Variants in SCD5 observed in about 807,000 individuals in gnomAD.
SCD5 encodes the protein acyl-CoA-desaturase 4.
In SCD5, 20 loss-of-function variants were observed where a neutral mutation model predicts 30.4. That is an observed-to-expected ratio of 0.66 (90% CI 0.46 to 0.96). The LOEUF (loss-of-function observed/expected upper bound fraction) is 0.96, where lower values mean the gene tolerates loss of function less well. SCD5 is among the 40% of genes least tolerant of loss of function. The pLI, the probability that SCD5 is intolerant of heterozygous loss-of-function variation, is 0.00. For synonymous variants in SCD5, 173 were observed against 176.4 expected (o/e 0.98, Z 0.16); for missense variants, 381 against 443.3 (o/e 0.86, Z 1.26).
At chr4:82,631,558 C>A (rs1221537590) in intron 4 of SCD5, 41 bp from the exon 5 acceptor site, 4 of 1,592,486 alleles carry the variant, frequency 2.5e-6, no homozygotes, top group Non-Finnish European at 3.4e-6. Flanking sequence ...CAATCACCAC[C>A]TCTCTGCATA....
At chr4:82,785,066 C>T (rs902415220) in intron 1 of SCD5, among the ~76,000 whole-genome samples, 2 of 152,178 alleles carry the variant, frequency 1.3e-5, no homozygotes, top group Non-Finnish European at 2.9e-5. Context: ...GGGAGCTCTG[C>T]CAAGTAAAGT....
rs1474217848 is a variant in SCD5, at chr4:82,680,764, C to T, written c.512G>A (p.Gly171Glu). 2 of 1,614,060 alleles carry T rather than the reference C, an allele frequency of 1.2e-6. No individual in the cohort carries two copies. Among genetic ancestry groups the T allele is most frequent in the East Asian group, 2.2e-5 (1 of 44,868 alleles). The change falls in exon 3 of 5, where the codon GGG (glycine) becomes GAG (glutamate). Residue 171 changes from glycine to glutamate, a missense_variant. Transcript: ENST00000319540. ...CAGGTCAGTGACGTCAAGCTTTCTC[C>T]CCTTCTCAATAACATCTCGATGCTT... Reference protein sequence around the residue: ...VRKHRDVIEKGRKLDVTDLLA... With the variant: ...VRKHRDVIEKERKLDVTDLLA...
rs547446968 is a variant in SCD5, at chr4:82,783,995, TA to T, written c.232+14310del. Among the ~76,000 whole-genome samples the T allele has an allele frequency of 8.6e-4, 131 of 152,226 alleles. 1 individual carries two copies. The highest frequency in any genetic ancestry group is 2.9e-3 in the African/African-American group (120 of 41,544). ...TTCTTAAATGGTTCAGAAAAAAATA[TA>T]TAGATTCTATACATACACACGTATA... is the stretch of plus-strand genomic sequence containing the variant. On this transcript the variant is annotated intron_variant, in intron 1 of 4. Coordinates refer to ENST00000319540, the MANE Select transcript of SCD5 (RefSeq NM_001037582.3).
intron 1 of SCD5, among the ~76,000 whole-genome samples, chr4:82,752,941 T>C (rs992315533): frequency 3.9e-5 from 6 of 152,182 alleles, no homozygotes; most frequent in Non-Finnish European, 8.8e-5. Flanking sequence ...ATATATCTTT[T>C]ACTTAATTCC....
chr4:82,798,566 C>T lies in SCD5; in HGVS notation c.-29G>A. ...TGGGCGAGGTGGGCGCCCGCAGCAG[C>T]GGCAGGCAGGCAGGCGCTCTGCCCG... On this transcript the variant is annotated 5_prime_UTR_variant, in exon 1 of 5. Coordinates refer to ENST00000319540, the MANE Select transcript of SCD5 (RefSeq NM_001037582.3). 2.0e-6 allele frequency: 3 copies of T among 1,537,262 alleles called. No homozygotes were observed. Among genetic ancestry groups the T allele is most frequent in the Non-Finnish European group, 1.8e-6 (2 of 1,142,134 alleles).
intron 1 of SCD5, 44 bp from the exon 2 acceptor site, chr4:82,705,457 C>T: frequency 6.2e-7 from 1 of 1,607,732 alleles, no homozygotes. Flanking sequence ...GGTCCCTGAG[C>T]TTTCAAACAC....
chr4:82,749,318 G>A (rs948508992), intron 1 of SCD5, among the ~76,000 whole-genome samples: 13 of 152,122 alleles, frequency 8.5e-5, no homozygotes, highest in Admixed American at 3.9e-4. Context: ...ATCCCAGTCC[G>A]GGGTGATAAG....
intron 1 of SCD5, among the ~76,000 whole-genome samples, chr4:82,774,893 G>A (rs1721714342): frequency 6.6e-6 from 1 of 152,162 alleles, no homozygotes; most frequent in Admixed American, 6.5e-5. Context: ...CACCAACAGG[G>A]GAGAAGTCCT....
At chr4:82,668,820 T>C (rs565308478) in intron 3 of SCD5, among the ~76,000 whole-genome samples, 1 of 152,250 alleles carries the variant, frequency 6.6e-6, no homozygotes, top group East Asian at 1.9e-4. Flanking sequence ...TAAAAGCCCC[T>C]GTCTCCATGT....
chr4:82,668,211 T>C (rs1728232970), intron 3 of SCD5, among the ~76,000 whole-genome samples: 4 of 152,022 alleles, frequency 2.6e-5, no homozygotes, highest in African/African-American at 9.7e-5. Flanking sequence ...AACAAAGCTG[T>C]CTGGCAGGTG....
chr4:82,664,257 T>C (rs1195773604), intron 3 of SCD5, among the ~76,000 whole-genome samples: 3 of 152,148 alleles, frequency 2.0e-5, no homozygotes, highest in Non-Finnish European at 4.4e-5. Flanking sequence ...AGCAGTAAAA[T>C]CTAAACTCAG....
At chr4:82,717,657 T>G (rs1720257503) in intron 1 of SCD5, among the ~76,000 whole-genome samples, 1 of 151,692 alleles carries the variant, frequency 6.6e-6, no homozygotes, top group Non-Finnish European at 1.5e-5. Flanking sequence ...GGCTCACGCC[T>G]GTAATCCCAG....
intron 1 of SCD5, among the ~76,000 whole-genome samples, chr4:82,773,994 C>A (rs112910715): frequency 0.05 from 7,502 of 150,770 alleles, 257 homozygotes; most frequent in Middle Eastern, 0.089. Flanking sequence ...GAGGCTGAGG[C>A]AGAAGAATTG....
chr4:82,636,723 A>T lies in SCD5; in HGVS notation c.670T>A (p.Ser224Thr), dbSNP rs757838954. Residue 224 changes from serine (S) to threonine (T), a missense_variant, in exon 4 of 5, where the codon TCT becomes ACT. Coordinates refer to ENST00000319540, the MANE Select transcript of SCD5 (RefSeq NM_001037582.3). Reference protein sequence around the residue: ...ESLWNSYFLASILRYTISLNI... With the variant: ...ESLWNSYFLATILRYTISLNI... The stretch of plus-strand genomic sequence containing the variant: ...AGTGAGATGGTATAGCGGAGAATAG[A>T]GGCCAAGAAGTAGGAATTCCACAGA... The T allele has an allele frequency of 1.9e-6, 3 of 1,614,136 alleles. No homozygotes were observed. Among genetic ancestry groups the T allele is most frequent in the Admixed American group, 1.7e-5 (1 of 60,012 alleles).
chr4:82,739,908 G>C (rs891320276), intron 1 of SCD5, among the ~76,000 whole-genome samples: 2 of 152,034 alleles, frequency 1.3e-5, no homozygotes, highest in East Asian at 3.9e-4. Context: ...TGCAGGTCCC[G>C]ACCCCTCTCC....
At chr4:82,690,621 C>G (rs1728812332) in intron 2 of SCD5, among the ~76,000 whole-genome samples, 1 of 152,178 alleles carries the variant, frequency 6.6e-6, no homozygotes, top group Admixed American at 6.5e-5. Flanking sequence ...CTGTTAACAT[C>G]CTCTTTCCAT....
chr4:82,762,962 C>T (rs1361206668), intron 1 of SCD5, among the ~76,000 whole-genome samples: 5 of 152,134 alleles, frequency 3.3e-5, no homozygotes, highest in Non-Finnish European at 7.4e-5. Flanking sequence ...ACAGCCCCAT[C>T]GCCTTCCTGG....
At chr4:82,741,651 T>C (rs1720874963) in intron 1 of SCD5, among the ~76,000 whole-genome samples, 1 of 152,126 alleles carries the variant, frequency 6.6e-6, no homozygotes, top group Admixed American at 6.5e-5. Context: ...TTTGTCTCTA[T>C]TGTTTATGGA....
At chr4:82,686,650 A>T (rs1453061981) in intron 2 of SCD5, among the ~76,000 whole-genome samples, 1 of 152,230 alleles carries the variant, frequency 6.6e-6, no homozygotes, top group Admixed American at 6.5e-5. Flanking sequence ...TACATATACA[A>T]TAAAAGCTTA....
Sources: allele counts gnomAD v4.1 joint callset (sites outside exome capture counted in the v4.1 genomes callset), GRCh38; gene constraint gnomAD v4.1.1; transcripts MANE v1.5; gene names NCBI Gene and HGNC (gene_info 2026-07-23, HGNC 2026-07-21).